Variants in TTC27 observed in about 807,000 individuals in gnomAD.
TTC27 encodes the protein tetratricopeptide repeat domain 27, also known as tetratricopeptide repeat protein 27.
TTC27 carries 79 observed loss-of-function variants against 115.9 expected under a neutral mutation model. The ratio of observed to expected loss-of-function variants is 0.68; its 90% confidence interval spans 0.57 to 0.82. TTC27 has a LOEUF of 0.82. TTC27 is among the 40% of genes least tolerant of loss of function. The pLI is 0.00. For missense variants in TTC27, 1,054 were observed against 993.1 expected (o/e 1.06, Z -0.82); for synonymous variants, 401 against 356.0 (o/e 1.13, Z -1.42).
chr2:32,724,593 G>A (rs558594739), intron 10 of TTC27, among the ~76,000 whole-genome samples: 2 of 152,110 alleles, frequency 1.3e-5, no homozygotes, highest in South Asian at 4.2e-4. Context: ...AATTCTATGT[G>A]ATAAAATGGA....
At chr2:32,687,182 A>C (rs1042455950) in intron 9 of TTC27, among the ~76,000 whole-genome samples, 9 of 152,234 alleles carry the variant, frequency 5.9e-5, no homozygotes, top group African/African-American at 2.2e-4. Flanking sequence ...AAGGCATTCA[A>C]GGGTGAACAA....
chr2:32,792,112 A>G (rs74779167), intron 16 of TTC27, among the ~76,000 whole-genome samples: 10,281 of 152,222 alleles, frequency 0.068, 497 homozygotes, highest in African/African-American at 0.14. Context: ...CCATATAGAT[A>G]GAATCATACA....
intron 4 of TTC27, among the ~76,000 whole-genome samples, chr2:32,644,135 C>T (rs1035111398): frequency 4.2e-5 from 6 of 144,016 alleles, no homozygotes; most frequent in East Asian, 2.1e-4. Context: ...GAATCGAGAT[C>T]GTTCCACTGC....
chr2:32,775,553 C>G (rs1016715448), intron 13 of TTC27, among the ~76,000 whole-genome samples: 1 of 152,130 alleles, frequency 6.6e-6, no homozygotes, highest in African/African-American at 2.4e-5. Context: ...TTTGCTGATG[C>G]AGAAAACAAG....
chr2:32,659,823 T>C (rs1665469606), intron 5 of TTC27, among the ~76,000 whole-genome samples: 1 of 152,202 alleles, frequency 6.6e-6, no homozygotes, highest in African/African-American at 2.4e-5. Context: ...GCTTCATCCA[T>C]GTCCCTGCAA....
At chr2:32,645,066 A>G (rs560653914) in intron 4 of TTC27, among the ~76,000 whole-genome samples, 1 of 152,086 alleles carries the variant, frequency 6.6e-6, no homozygotes, top group Non-Finnish European at 1.5e-5. Flanking sequence ...ATAAAGAAAC[A>G]TTACATACTT....
intron 10 of TTC27, among the ~76,000 whole-genome samples, chr2:32,729,405 C>T (rs1325982397): frequency 6.6e-6 from 1 of 152,092 alleles, no homozygotes; most frequent in Non-Finnish European, 1.5e-5. Context: ...GACATCATTG[C>T]TTTCTTGGGT....
intron 13 of TTC27, among the ~76,000 whole-genome samples, chr2:32,767,617 G>T (rs991655974): frequency 6.6e-6 from 1 of 150,856 alleles, no homozygotes; most frequent in Non-Finnish European, 1.5e-5. Flanking sequence ...GCCCGCCACC[G>T]CGCCCGGCTA....
intron 16 of TTC27, among the ~76,000 whole-genome samples, chr2:32,806,033 A>T (rs1221216984): frequency 6.6e-6 from 1 of 152,150 alleles, no homozygotes; most frequent in Non-Finnish European, 1.5e-5. Flanking sequence ...TATTTCAGTG[A>T]CAACCCATCC....
At chr2:32,670,967 A>G (rs72787545) in intron 7 of TTC27, among the ~76,000 whole-genome samples, 5,149 of 107,112 alleles carry the variant, frequency 0.048, 119 homozygotes, top group Non-Finnish European at 0.09. Flanking sequence ...ATTGAGTTCT[A>G]AGAGTTCTCC....
At chr2:32,686,003 T>A (rs1227449391) in intron 9 of TTC27, among the ~76,000 whole-genome samples, 1 of 152,194 alleles carries the variant, frequency 6.6e-6, no homozygotes, top group African/African-American at 2.4e-5. Context: ...AACAAGCAAG[T>A]TCTTAGAATA....
intron 10 of TTC27, among the ~76,000 whole-genome samples, chr2:32,716,536 A>T (rs919746021): frequency 3.3e-5 from 5 of 152,108 alleles, no homozygotes; most frequent in African/African-American, 1.2e-4. Flanking sequence ...TGATTTGTCA[A>T]CTTTTTAGAT....
intron 9 of TTC27, among the ~76,000 whole-genome samples, chr2:32,686,977 T>C (rs777713157): frequency 2.0e-5 from 3 of 152,128 alleles, no homozygotes; most frequent in Non-Finnish European, 2.9e-5. Context: ...CCCGAGTACC[T>C]GGGATTACAG....
chr2:32,721,509 C>T lies in TTC27; in HGVS notation c.1234-12319C>T, dbSNP rs965938709. On this transcript the variant is annotated intron_variant, in intron 10 of 19. Coordinates refer to ENST00000317907, the MANE Select transcript of TTC27 (RefSeq NM_017735.5). Reference sequence around the variant, plus strand: ...TTGTTGTCACAGTAGCACCAGATTTCGTTATCCATAGACTTCACAATCCAA... The same window carrying T: ...TTGTTGTCACAGTAGCACCAGATTTTGTTATCCATAGACTTCACAATCCAA... Among the ~76,000 whole-genome samples, 4 of 152,012 alleles carry T rather than the reference C, an allele frequency of 2.6e-5. No homozygotes were observed. In the East Asian group the frequency reaches 5.8e-4, roughly 22 times the overall value.
intron 7 of TTC27, among the ~76,000 whole-genome samples, chr2:32,671,732 A>T (rs573815378): frequency 1.6e-3 from 249 of 152,328 alleles, no homozygotes; most frequent in African/African-American, 5.8e-3. Flanking sequence ...TCCATCATTG[A>T]TAACAAGCTA....
chr2:32,787,874 CA>C (rs1417551465), intron 16 of TTC27, among the ~76,000 whole-genome samples: 1 of 152,084 alleles, frequency 6.6e-6, no homozygotes, highest in East Asian at 1.9e-4. Flanking sequence ...GGAGAGATAG[CA>C]GAGTTTTACA....
chr2:32,812,378 G>C lies in TTC27; in HGVS notation c.2197-126G>C. 5 of 660,424 alleles carry C rather than the reference G, an allele frequency of 7.6e-6. No homozygotes were observed. The South Asian group carries it at 9.6e-5, about 13-fold the overall frequency. 40.9% of individuals were successfully genotyped at this position (660,424 alleles called of 1,614,324 possible). A position where few individuals can be genotyped will look rare whatever the true frequency, so the allele number is the denominator to read the frequency against. ...CCCTTCTTTGGTGAGAGTAATAGAC[G>C]CTGTGCTGTACAACACAGATGCTGC... is the stretch of plus-strand genomic sequence containing the variant. On this transcript the variant is annotated intron_variant, in intron 17 of 19. Transcript: ENST00000317907.
At chr2:32,639,692 T>TG (rs1433625224) in intron 3 of TTC27, among the ~76,000 whole-genome samples, 1 of 152,168 alleles carries the variant, frequency 6.6e-6, no homozygotes, top group Non-Finnish European at 1.5e-5. Context: ...GCATTTTTTT[T>TG]GAGTTCCTTG....
At chr2:32,648,790 C>T (rs985353757) in intron 4 of TTC27, among the ~76,000 whole-genome samples, 1 of 151,988 alleles carries the variant, frequency 6.6e-6, no homozygotes, top group Non-Finnish European at 1.5e-5. Flanking sequence ...GTGGGTGGAT[C>T]ACTTGAGCCC....
Sources: gnomAD v4.1 joint callset for allele counts (sites outside exome capture counted in the v4.1 genomes callset) on GRCh38, gnomAD v4.1.1 for gene constraint, MANE v1.5 for transcripts, NCBI Gene and HGNC (gene_info 2026-07-23, HGNC 2026-07-21) for gene names.